Variants in CDH13 observed in about 807,000 individuals in gnomAD.
The protein encoded by CDH13 is cadherin-13.
A neutral mutation model predicts 63.8 loss-of-function variants in CDH13; 24 were observed. The ratio of observed to expected loss-of-function variants is 0.38; its 90% CI spans 0.27 to 0.53. The LOEUF (loss-of-function observed/expected upper bound fraction) is 0.53. CDH13 is among the 20% of genes least tolerant of loss of function. The pLI, the probability that CDH13 is intolerant of heterozygous loss-of-function variation, is 0.85. For synonymous variants in CDH13, 503 were observed against 355.3 expected, an observed-to-expected ratio of 1.42 and a Z score of -4.67; for missense variants, 1,049 against 903.1, an observed-to-expected ratio of 1.16 and a Z score of -2.07.
chr16:83,443,148 C>T (rs747957022), intron 6 of CDH13, among the ~76,000 whole-genome samples: 5 of 152,168 alleles, frequency 3.3e-5, no homozygotes, highest in South Asian at 2.1e-4. Flanking sequence ...CCATGCCAAA[C>T]GCAGAAAGGA....
intron 5 of CDH13, among the ~76,000 whole-genome samples, chr16:83,317,736 G>A (rs1422375777): frequency 6.6e-6 from 1 of 151,694 alleles, no homozygotes; most frequent in Non-Finnish European, 1.5e-5. Flanking sequence ...GGAGGCGGAG[G>A]TTGCAGTGAG....
At chr16:82,858,043 T>C (rs570105699) in intron 1 of CDH13, among the ~76,000 whole-genome samples, 21 of 152,342 alleles carry the variant, frequency 1.4e-4, no homozygotes, top group African/African-American at 4.6e-4. Flanking sequence ...TTAGGCATCA[T>C]GGAAAATTGA....
chr16:83,602,650 T>G (rs1370696536), intron 8 of CDH13, 56 bp downstream of exon 8: 20 of 1,574,046 alleles, frequency 1.3e-5, no homozygotes, highest in Non-Finnish European at 1.5e-5. Context: ...CAATTACTGA[T>G]TGATGTTAAT....
intron 1 of CDH13, among the ~76,000 whole-genome samples, chr16:82,697,752 TGTGTGTGTGTGTGTGTGTG>T (rs1376734899): frequency 5.2e-4 from 3 of 5,818 alleles, no homozygotes; most frequent in African/African-American, 6.2e-4. Context: ...TGTGTGTGTG[TGTGTGTGTGTGTGTGTGTG>T]TGTGTGTGTG....
chr16:83,692,948 C>T (rs371555283), intron 10 of CDH13, among the ~76,000 whole-genome samples: 37 of 152,088 alleles, frequency 2.4e-4, no homozygotes, highest in Non-Finnish European at 5.9e-5. Flanking sequence ...CCAGGCATGG[C>T]GGCATGCACC....
chr16:83,624,329 T>C (rs1910076100), intron 8 of CDH13, among the ~76,000 whole-genome samples: 1 of 149,798 alleles, frequency 6.7e-6, no homozygotes, highest in Admixed American at 6.7e-5. Context: ...CAGGAAATGA[T>C]GAGATAACGC....
At position 83,170,068 on chromosome 16, in the gene CDH13, C is replaced by G. The variant is rs748163456; in HGVS notation, c.483+44567C>G. ...TTCTTTTTCTGGTTTTGTCACATAG[C>G]TTTCATGTGATGTTAAGCTCTAATA... is the stretch of plus-strand genomic sequence containing the variant. On this transcript the variant is annotated intron_variant, in intron 4 of 13. Transcript: ENST00000567109. Among the ~76,000 whole-genome samples the G allele has an allele frequency of 1.3e-5, 2 of 151,954 alleles. 1 individual carries two copies. Among genetic ancestry groups the G allele is most frequent in the Non-Finnish European group, 2.9e-5 (2 of 67,992 alleles).
At chr16:83,786,362 A>T in intron 13 of CDH13, among the ~76,000 whole-genome samples, 1 of 152,160 alleles carries the variant, frequency 6.6e-6, no homozygotes, top group Non-Finnish European at 1.5e-5. Context: ...CCACTTAGGA[A>T]ACATTTTCAA....
intron 6 of CDH13, among the ~76,000 whole-genome samples, chr16:83,400,418 C>T (rs144836045): frequency 4.6e-5 from 7 of 152,282 alleles, no homozygotes; most frequent in African/African-American, 1.7e-4. Flanking sequence ...GGCCCAACTC[C>T]AGGATGGGGT....
chr16:83,406,322 C>A (rs1162145001), intron 6 of CDH13, among the ~76,000 whole-genome samples: 1 of 152,180 alleles, frequency 6.6e-6, no homozygotes, highest in South Asian at 2.1e-4. Context: ...TCCTGAATCT[C>A]CCACCATCCT....
At chr16:82,820,806 C>T (rs886123937) in intron 1 of CDH13, among the ~76,000 whole-genome samples, 1 of 152,142 alleles carries the variant, frequency 6.6e-6, no homozygotes, top group Non-Finnish European at 1.5e-5. Flanking sequence ...CTAGATCTGG[C>T]CCTGAAGGTA....
At position 83,470,761 on chromosome 16, in the gene CDH13, A is replaced by G. The variant is rs139993278; in HGVS notation, c.782-15716A>G. Reference sequence around the variant, plus strand: ...CTCATTTGCCCACCACAGATACCCAATAAAATAGACACCGCTAGTATGAGC... The same window carrying G: ...CTCATTTGCCCACCACAGATACCCAGTAAAATAGACACCGCTAGTATGAGC... On this transcript the variant is annotated intron_variant, in intron 6 of 13. Coordinates refer to ENST00000567109, the MANE Select transcript of CDH13 (RefSeq NM_001257.5). Among the ~76,000 whole-genome samples the G allele has an allele frequency of 3.8e-3, 585 of 152,302 alleles. 2 individuals are homozygous for G. Among genetic ancestry groups the G allele is most frequent in the African/African-American group, 0.014 (563 of 41,568 alleles).
At chr16:83,142,123 G>A (rs1465805562) in intron 4 of CDH13, among the ~76,000 whole-genome samples, 1 of 149,198 alleles carries the variant, frequency 6.7e-6, no homozygotes, top group Non-Finnish European at 1.5e-5. Context: ...ACATTAAGTT[G>A]TCCCTGTGCC....
intron 5 of CDH13, among the ~76,000 whole-genome samples, chr16:83,274,515 G>T (rs1469070797): frequency 6.6e-6 from 1 of 152,086 alleles, no homozygotes; most frequent in Non-Finnish European, 1.5e-5. Flanking sequence ...CCTTTGTGAG[G>T]TTATCTGATT....
chr16:83,550,286 A>G lies in CDH13; in HGVS notation c.961-52168A>G, dbSNP rs528033344. On this transcript the variant is annotated intron_variant, in intron 7 of 13. Transcript: ENST00000567109. Reference sequence around the variant, plus strand: ...TTTGAAGCCAGGGTGAACTCAAAGCATTCTCCCAAAGAAGCCTTTTTCAAC... The same window carrying G: ...TTTGAAGCCAGGGTGAACTCAAAGCGTTCTCCCAAAGAAGCCTTTTTCAAC... Among the ~76,000 whole-genome samples the G allele has an allele frequency of 1.1e-4, 16 of 152,346 alleles. No individual in the cohort carries two copies. The South Asian group carries it at 3.1e-3, about 30-fold the overall frequency.
At chr16:83,761,884 T>C (rs1457053286) in intron 11 of CDH13, among the ~76,000 whole-genome samples, 1 of 151,938 alleles carries the variant, frequency 6.6e-6, no homozygotes. Context: ...CAGGCCAACA[T>C]GGTGAAACCC....
At chr16:82,809,450 A>G (rs2037330736) in intron 1 of CDH13, among the ~76,000 whole-genome samples, 1 of 152,122 alleles carries the variant, frequency 6.6e-6, no homozygotes, top group Non-Finnish European at 1.5e-5. Flanking sequence ...GTAAGATCAC[A>G]TTATCATTAA....
At chr16:82,671,595 C>T (rs554734988) in intron 1 of CDH13, among the ~76,000 whole-genome samples, 68 of 152,294 alleles carry the variant, frequency 4.5e-4, no homozygotes, top group African/African-American at 1.5e-3. Context: ...TTGTTTTTCT[C>T]ACTAATCCTT....
At chr16:83,677,599 C>A (rs17767968) in intron 9 of CDH13, among the ~76,000 whole-genome samples, 15,715 of 152,210 alleles carry the variant, frequency 0.1, 960 homozygotes, top group Non-Finnish European at 0.14. Flanking sequence ...AAACCATGCA[C>A]CCAGGCTATA....
Sources: gnomAD v4.1 joint callset for allele counts (sites outside exome capture counted in the v4.1 genomes callset) on GRCh38, gnomAD v4.1.1 for gene constraint, MANE v1.5 for transcripts, NCBI Gene and HGNC (gene_info 2026-07-23, HGNC 2026-07-21) for gene names.